Variants in RDH13 observed in about 807,000 individuals in gnomAD.
The protein encoded by RDH13 is retinol dehydrogenase 13 (all-trans and 9-cis).
Under a neutral mutation model 28.3 loss-of-function variants are expected in RDH13, and 35 were observed. The ratio of observed to expected loss-of-function variants is 1.24; its 90% CI spans 0.95 to 1.64. The LOEUF (loss-of-function observed/expected upper bound fraction) is 1.64. Among genes scored for constraint, RDH13 ranks in the 40% most tolerant of loss-of-function variants. The pLI is 0.00. For missense variants in RDH13, 514 were observed against 446.3 expected (o/e 1.15, Z -1.37); for synonymous variants, 229 against 198.5 (o/e 1.15, Z -1.29).
At chr19:55,061,202 A>G (rs2075797985) in intron 1 of RDH13, among the ~76,000 whole-genome samples, 1 of 152,116 alleles carries the variant, frequency 6.6e-6, no homozygotes, top group Admixed American at 6.5e-5. Flanking sequence ...ATCTCAGCTC[A>G]CTGTAACCTT....
At chr19:55,062,023 C>A (rs537005837) in intron 1 of RDH13, among the ~76,000 whole-genome samples, 1 of 151,714 alleles carries the variant, frequency 6.6e-6, no homozygotes, top group Non-Finnish European at 1.5e-5. Flanking sequence ...AGGCTGAGGC[C>A]GGACAATCGC....
At chr19:55,060,944 G>A (rs144670983) in intron 1 of RDH13, among the ~76,000 whole-genome samples, 1 of 152,230 alleles carries the variant, frequency 6.6e-6, no homozygotes, top group Admixed American at 6.5e-5. Context: ...AGTTCGGCAG[G>A]TCAAGAGTCC....
At position 55,045,180 on chromosome 19, in the gene RDH13, G is replaced by A. The variant is rs773737830; in HGVS notation, c.890C>T (p.Ala297Val). The A allele has an allele frequency of 1.9e-6, 3 of 1,613,510 alleles. No homozygotes were observed. The highest frequency in any genetic ancestry group is 2.5e-6 in the Non-Finnish European group (3 of 1,180,010). ...YFDGLKQKAP[A>V]PEAEDEEVAR... is the part of the protein sequence containing the mutation. ...CACCTCCTCATCCTCAGCCTCGGGG[G>A]CCGGGGCCTTCTGTTTGAGTCCATC... is the stretch of plus-strand genomic sequence containing the variant. The change falls in exon 7 of 7, where the codon GCC becomes GTC. Residue 297 changes from alanine (A) to valine (V), a missense_variant. Ala to Val is a moderately conservative substitution (Grantham distance 64). Transcript: ENST00000415061.
upstream of RDH13, among the ~76,000 whole-genome samples, chr19:55,066,568 T>C (rs1300098667): frequency 6.9e-6 from 1 of 144,332 alleles, no homozygotes; most frequent in African/African-American, 2.6e-5. Flanking sequence ...TCCCTCTCCC[T>C]CCTTCTGTCT....
intron 1 of RDH13, among the ~76,000 whole-genome samples, chr19:55,062,153 G>A (rs962500225): frequency 6.6e-6 from 1 of 151,674 alleles, no homozygotes; most frequent in African/African-American, 2.4e-5. Context: ...ACACATCAGC[G>A]AGAACCTCTG....
intron 3 of RDH13, among the ~76,000 whole-genome samples, chr19:55,056,149 A>AT (rs2075624236): frequency 1.3e-5 from 2 of 151,686 alleles, no homozygotes; most frequent in South Asian, 4.2e-4. Flanking sequence ...GCGAGACCCC[A>AT]TCTGTCTCAA....
rs753714777 is a variant in RDH13, at chr19:55,048,310, G to A, written c.658+19C>T. On this transcript the variant is annotated intron_variant, in intron 5 of 6. Transcript: ENST00000415061. ...CTCAGAGTAAAGCAAGAGGGAGGCC[G>A]AGCCTAGCGCCCCCGTACCTTGCAG... 15 of 1,613,606 alleles carry A rather than the reference G, an allele frequency of 9.3e-6. No homozygotes were observed. Among genetic ancestry groups the A allele is most frequent in the African/African-American group, 5.3e-5 (4 of 74,924 alleles).
At chr19:55,040,115 C>T (rs1405775186), downstream of RDH13, among the ~76,000 whole-genome samples, 2 of 152,152 alleles carry the variant, frequency 1.3e-5, no homozygotes, top group Admixed American at 6.6e-5. Context: ...GTGATGGTTA[C>T]ACAACACTGT....
intron 3 of RDH13, among the ~76,000 whole-genome samples, chr19:55,049,216 C>T (rs1332473478): frequency 6.6e-6 from 1 of 152,146 alleles, no homozygotes; most frequent in Non-Finnish European, 1.5e-5. Context: ...AGCTCCAGGA[C>T]ACTCACACGC....
At chr19:55,066,083 G>A (rs1317581274), upstream of RDH13, among the ~76,000 whole-genome samples, 1 of 152,204 alleles carries the variant, frequency 6.6e-6, no homozygotes, top group Non-Finnish European at 1.5e-5. Context: ...TCCATAGTAA[G>A]TGCCAGAACA....
intron 1 of RDH13, among the ~76,000 whole-genome samples, chr19:55,059,587 G>A (rs907532634): frequency 9.3e-6 from 1 of 107,764 alleles, no homozygotes; most frequent in Non-Finnish European, 2.4e-5. Context: ...TTTTGGGGGT[G>A]GGGGGGGGCG....
At chr19:55,061,129 T>C (rs1284017673) in intron 1 of RDH13, among the ~76,000 whole-genome samples, 1 of 151,984 alleles carries the variant, frequency 6.6e-6, no homozygotes, top group Non-Finnish European at 1.5e-5. Flanking sequence ...TATTTATTTA[T>C]TTACTTATTT....
chr19:55,063,067 CGGCG>C lies in RDH13; in HGVS notation c.-39_-36del, dbSNP rs766049782. On this transcript the variant is annotated 5_prime_UTR_variant, in exon 1 of 7. Coordinates refer to ENST00000415061, the MANE Select transcript of RDH13 (RefSeq NM_001145971.2). Reference sequence around the variant, plus strand: ...GGGACAGGCGTCAGGCGTCAGGGGTCGGCGCGGAGCTTGCTGCACACCAGCCGCC... The same window carrying C: ...GGGACAGGCGTCAGGCGTCAGGGGTCCGGAGCTTGCTGCACACCAGCCGCC... The C allele has an allele frequency of 3.0e-6, 4 of 1,327,482 alleles. No individual in the cohort carries two copies. Among genetic ancestry groups the C allele is most frequent in the Non-Finnish European group, 3.9e-6 (4 of 1,036,308 alleles). 82.2% of individuals were successfully genotyped at this position (1,327,482 alleles called of 1,614,324 possible). A position where few individuals can be genotyped will look rare whatever the true frequency, so the allele number is the denominator to read the frequency against.
At chr19:55,050,077 C>T (rs1409281573) in intron 3 of RDH13, among the ~76,000 whole-genome samples, 1 of 151,592 alleles carries the variant, frequency 6.6e-6, no homozygotes, top group Admixed American at 6.6e-5. Flanking sequence ...CTGCTTTGGC[C>T]TCCCAGAGTG....
intron 1 of RDH13, 92 bp from the exon 2 acceptor site, chr19:55,059,367 T>G: frequency 1.3e-6 from 1 of 763,196 alleles, no homozygotes; most frequent in Non-Finnish European, 2.2e-6. Flanking sequence ...TTGTCTGAGC[T>G]CACTCACATA....
At chr19:55,051,420 G>C (rs924065244) in intron 3 of RDH13, among the ~76,000 whole-genome samples, 5 of 147,158 alleles carry the variant, frequency 3.4e-5, no homozygotes, top group East Asian at 2.1e-4. Flanking sequence ...GTTTTGTTTT[G>C]GTTTTTTTTC....
Position 55,044,813 on chromosome 19 carries a change from A to T in RDH13, c.*261T>A. The T allele has an allele frequency of 2.2e-6, 1 of 462,362 alleles. No individual in the cohort carries two copies. 28.6% of individuals were successfully genotyped at this position (462,362 alleles called of 1,614,324 possible). A position where few individuals can be genotyped will look rare whatever the true frequency, so the allele number is the denominator to read the frequency against. On this transcript the variant is annotated 3_prime_UTR_variant, in exon 7 of 7. Transcript: ENST00000415061. ...AGCCCCTTCCTCCTCGGCCATTCCC[A>T]GTTTAGATTCCCAGGGGAAGCATCA...
downstream of RDH13, among the ~76,000 whole-genome samples, chr19:55,039,887 A>G (rs1021887465): frequency 6.6e-6 from 1 of 152,152 alleles, no homozygotes; most frequent in African/African-American, 2.4e-5. Context: ...ACATGCTACA[A>G]CGTGATGGAC....
chr19:55,052,813 A>C (rs1360620197), intron 3 of RDH13, among the ~76,000 whole-genome samples: 1 of 151,486 alleles, frequency 6.6e-6, no homozygotes, highest in Non-Finnish European at 1.5e-5. Context: ...GGTGCCCGCC[A>C]CCACGCCCGG....
Sources: gnomAD v4.1 joint callset for allele counts (sites outside exome capture counted in the v4.1 genomes callset) on GRCh38, gnomAD v4.1.1 for gene constraint, MANE v1.5 for transcripts, NCBI Gene and HGNC (gene_info 2026-07-23, HGNC 2026-07-21) for gene names.